The following NLRP1 variants were observed in gnomAD, a reference collection of about 807,000 sequenced individuals.
NLRP1 encodes the protein NLR family pyrin domain containing 1.
Under a neutral mutation model 136.7 loss-of-function variants are expected in NLRP1, and 94 were observed. The observed-to-expected ratio is 0.69, with a 90% confidence interval of 0.58 to 0.82. The LOEUF (loss-of-function observed/expected upper bound fraction) is 0.82, where lower values mean the gene tolerates loss of function less well. Among genes scored for constraint, NLRP1 ranks in the 40% least tolerant of loss-of-function variants. NLRP1 has a pLI of 0.00. For missense variants in NLRP1, 1,575 were observed against 1,802.7 expected, an observed-to-expected ratio of 0.87 and a Z score of 2.29; for synonymous variants, 690 against 725.1, an observed-to-expected ratio of 0.95 and a Z score of 0.78.
Position 5,530,596 on chromosome 17 carries a change from G to A in NLRP1, c.3405C>T (p.Phe1135=). ...VEIEFCVWDQ[F]LGEINPQHSW... is the part of the protein sequence containing the mutation. ...TGTGCTGTGGGTTGATCTCACCCAG[G>A]AACTGGTCCCACACACAGAATTCAA... Residue 1135 remains phenylalanine (F), a synonymous_variant, in exon 12 of 17, where the codon TTC becomes TTT. Transcript: ENST00000572272. The A allele has an allele frequency of 6.2e-7, 1 of 1,614,180 alleles. No homozygotes were observed. Among genetic ancestry groups the A allele is most frequent in the South Asian group, 1.1e-5 (1 of 91,084 alleles).
chr17:5,558,343 C>T lies in NLRP1; in HGVS notation c.2353G>A (p.Val785Ile). 1 of 1,599,994 alleles carries T rather than the reference C, an allele frequency of 6.3e-7. No individual in the cohort carries two copies. Reference protein sequence around the residue: ...HRSTWSPTMVVLFRWVPVTDA... With the variant: ...HRSTWSPTMVILFRWVPVTDA... ...ATGGGTGGTTTGGGTACTCACAGGA[C>T]TACCATGGTGGGGCTCCATGTTGAT... The change falls in exon 4 of 17, where the codon GTC (valine) becomes ATC (isoleucine). Residue 785 changes from valine to isoleucine, a missense_variant. Val to Ile is a conservative substitution (Grantham distance 29). Transcript: ENST00000572272.
chr17:5,529,520 G>A (rs12938206), intron 12 of NLRP1, among the ~76,000 whole-genome samples: 8,642 of 151,766 alleles, frequency 0.057, 284 homozygotes, highest in Middle Eastern at 0.099. Flanking sequence ...GGCGCCTGCC[G>A]CCACGCCCGG....
At position 5,538,421 on chromosome 17, in the gene NLRP1, C is replaced by T. The variant is rs1039495578; in HGVS notation, c.2870+994G>A. On this transcript the variant is annotated intron_variant, in intron 7 of 16. Transcript: ENST00000572272. Reference sequence around the variant, plus strand: ...CCACACCATCCCTAGGCCTAGAATACTCTCCCCAACTTGGCCTGGGTACCT... The same window carrying T: ...CCACACCATCCCTAGGCCTAGAATATTCTCCCCAACTTGGCCTGGGTACCT... Among the ~76,000 whole-genome samples the T allele has an allele frequency of 2.6e-5, 4 of 152,234 alleles. No homozygotes were observed. The East Asian group carries it at 7.7e-4, about 29-fold the overall frequency.
chr17:5,575,426 A>G (rs1904913595), intron 3 of NLRP1, among the ~76,000 whole-genome samples: 1 of 152,202 alleles, frequency 6.6e-6, no homozygotes, highest in South Asian at 2.1e-4. Flanking sequence ...GGGATGGAGG[A>G]AGATCTACCA....
rs78433357 is a variant in NLRP1 at position 5,517,362 on chromosome 17, C to CCCCCCCG, written c.4057+383_4057+384insCGGGGGG. Among the ~76,000 whole-genome samples the CCCCCCCG allele has an allele frequency of 1.3e-4, 8 of 61,566 alleles. 1 individual carries two copies. The highest frequency in any genetic ancestry group is 2.3e-4 in the Non-Finnish European group (6 of 26,136). 40.4% of individuals were successfully genotyped at this position (61,566 alleles called of 152,430 possible). ...TAGTGCACTCTGCACCCCCCCCCCTCCCACATACACAGACTTTCTTCCATT... is the reference window on the plus strand; with the variant it reads ...TAGTGCACTCTGCACCCCCCCCCCTCCCCCCCGCCACATACACAGACTTTCTTCCATT... On this transcript the variant is annotated intron_variant, in intron 15 of 16. Transcript: ENST00000572272.
chr17:5,511,764 T>C (rs1023916746), downstream of NLRP1, among the ~76,000 whole-genome samples: 3 of 145,378 alleles, frequency 2.1e-5, no homozygotes, highest in African/African-American at 8.4e-5. Context: ...TCTTTTTCTT[T>C]CTCTTTCTCT....
At chr17:5,509,765 A>G (rs969536012), downstream of NLRP1, among the ~76,000 whole-genome samples, 1 of 152,116 alleles carries the variant, frequency 6.6e-6, no homozygotes, top group African/African-American at 2.4e-5. Flanking sequence ...TCAGCCTCCC[A>G]AAGTGTTGAG....
chr17:5,555,375 T>G (rs116674085), intron 4 of NLRP1, among the ~76,000 whole-genome samples: 1 of 152,242 alleles, frequency 6.6e-6, no homozygotes, highest in East Asian at 1.9e-4. Context: ...AGCTTCCTTA[T>G]TCTTCTCTCT....
At position 5,584,274 on chromosome 17, in the gene NLRP1, G is replaced by C. The variant is rs1025126720; in HGVS notation, c.-317C>G. The stretch of plus-strand genomic sequence containing the variant: ...AGGGGAGATGTGGTGACGGGAGATG[G>C]GGTGTGGGCAACGCTCACTGTTCTG... On this transcript the variant is annotated 5_prime_UTR_variant, in exon 1 of 17. Transcript: ENST00000572272. The C allele has an allele frequency of 5.9e-5, 26 of 441,610 alleles. No individual in the cohort carries two copies. Among genetic ancestry groups the C allele is most frequent in the African/African-American group, 3.8e-4 (19 of 50,376 alleles). 27.4% of individuals were successfully genotyped at this position (441,610 alleles called of 1,614,324 possible).
chr17:5,565,219 A>C (rs555813356), intron 3 of NLRP1, among the ~76,000 whole-genome samples: 3 of 152,264 alleles, frequency 2.0e-5, no homozygotes, highest in Admixed American at 2.0e-4. Flanking sequence ...TTTCATTTGC[A>C]TTTCTCTGAC....
At chr17:5,553,235 A>G (rs1026377979) in intron 5 of NLRP1, 151 bp downstream of exon 5, 3 of 644,924 alleles carry the variant, frequency 4.7e-6, no homozygotes, top group Non-Finnish European at 7.2e-6. Flanking sequence ...AAAAAATCCT[A>G]TCTGTGTTTG....
rs75141858 is a variant in NLRP1, at chr17:5,567,147, T to C, written c.653-7104A>G. Among the ~76,000 whole-genome samples the C allele has an allele frequency of 0.012, 1,844 of 152,200 alleles. 132 individuals are homozygous for C. In the South Asian group the frequency reaches 0.17, roughly 14 times the overall value. Reference sequence around the variant, plus strand: ...CAGTCTATGTCTTTTGATTGGATAGTTTAATCCATTTACATTACTTATTAT... The same window carrying C: ...CAGTCTATGTCTTTTGATTGGATAGCTTAATCCATTTACATTACTTATTAT... On this transcript the variant is annotated intron_variant, in intron 3 of 16. Transcript: ENST00000572272.
chr17:5,530,772 C>G, intron 11 of NLRP1, 68 bp from the exon 12 acceptor site: 1 of 1,257,086 alleles, frequency 8.0e-7, no homozygotes, highest in Non-Finnish European at 1.2e-6. Context: ...GATGCCAGAC[C>G]CCATGCAGGG....
chr17:5,514,916 G>A lies in NLRP1; in HGVS notation c.4260C>T (p.Asn1420=), dbSNP rs201878224. 1 of 1,614,174 alleles carries A rather than the reference G, an allele frequency of 6.2e-7. No homozygotes were observed. Among genetic ancestry groups the A allele is most frequent in the Non-Finnish European group, 8.5e-7 (1 of 1,180,024 alleles). The change falls in exon 17 of 17, where the codon AAC becomes AAT. Residue 1420 remains asparagine (N), a synonymous_variant. Transcript: ENST00000572272. ...QEQYERVLAE[N]TRPSQMRKLF... is the part of the protein sequence containing the mutation. ...GCTTCCGCATCTGGCTGGGCCTCGT[G>A]TTCTCAGCCAGCACCCTCTCGTACT...
At chr17:5,544,813 G>C (rs1912358220) in intron 5 of NLRP1, among the ~76,000 whole-genome samples, 1 of 152,110 alleles carries the variant, frequency 6.6e-6, no homozygotes, top group Non-Finnish European at 1.5e-5. Context: ...TTTAGTTAGG[G>C]AGGATAGTCT....
chr17:5,553,942 A>T (rs991817510), intron 4 of NLRP1, among the ~76,000 whole-genome samples: 3 of 151,808 alleles, frequency 2.0e-5, no homozygotes, highest in Admixed American at 6.6e-5. Flanking sequence ...AAATTTTTTA[A>T]AAAAATTTGA....
intron 12 of NLRP1, among the ~76,000 whole-genome samples, chr17:5,527,655 C>G (rs1909727610): frequency 6.6e-6 from 1 of 152,224 alleles, no homozygotes; most frequent in Non-Finnish European, 1.5e-5. Context: ...ATATACGGAA[C>G]TACCTTGCAT....
At chr17:5,546,544 G>C (rs1292028800) in intron 5 of NLRP1, among the ~76,000 whole-genome samples, 1 of 152,026 alleles carries the variant, frequency 6.6e-6, no homozygotes, top group Non-Finnish European at 1.5e-5. Flanking sequence ...CTTTGTCTGC[G>C]TAATGTGCTC....
chr17:5,564,167 C>T (rs893646331), intron 3 of NLRP1, among the ~76,000 whole-genome samples: 2 of 152,154 alleles, frequency 1.3e-5, no homozygotes, highest in Admixed American at 1.3e-4. Flanking sequence ...ATGGGGTATG[C>T]AGCTCCTCAA....
Sources: allele counts gnomAD v4.1 joint callset (sites outside exome capture counted in the v4.1 genomes callset), GRCh38; gene constraint gnomAD v4.1.1; transcripts MANE v1.5; gene names NCBI Gene and HGNC (gene_info 2026-07-23, HGNC 2026-07-21).